The following PDZRN3 variants were observed in gnomAD, a reference collection of about 807,000 sequenced individuals.
PDZRN3 encodes E3 ubiquitin-protein ligase PDZRN3.
PDZRN3 carries 38 observed loss-of-function variants against 85.7 expected under a neutral mutation model. The observed-to-expected ratio is 0.44, with a 90% CI of 0.34 to 0.58. The LOEUF (loss-of-function observed/expected upper bound fraction) is 0.58. Ranked by LOEUF, PDZRN3 falls within the 20% of genes least tolerant of loss-of-function variation. PDZRN3 has a pLI of 0.01. For synonymous variants in PDZRN3, 759 were observed against 638.0 expected (o/e 1.19, Z -2.86); for missense variants, 1,629 against 1,506.4 (o/e 1.08, Z -1.35).
intron 3 of PDZRN3, among the ~76,000 whole-genome samples, chr3:73,451,358 T>C (rs1275143385): frequency 1.3e-5 from 2 of 152,168 alleles, no homozygotes; most frequent in African/African-American, 4.8e-5. Context: ...TGTTAGAGGA[T>C]GAGGAGGAAA....
intron 4 of PDZRN3, among the ~76,000 whole-genome samples, chr3:73,403,198 G>C (rs566916202): frequency 6.6e-6 from 1 of 152,062 alleles, no homozygotes; most frequent in Non-Finnish European, 1.5e-5. Flanking sequence ...CACCTGCCTC[G>C]GCCTCCCGAA....
intron 3 of PDZRN3, among the ~76,000 whole-genome samples, chr3:73,507,302 G>A (rs181928500): frequency 2.0e-5 from 3 of 152,290 alleles, no homozygotes; most frequent in African/African-American, 7.2e-5. Context: ...CCGAGTAGCT[G>A]GGATTACAGG....
intron 3 of PDZRN3, among the ~76,000 whole-genome samples, chr3:73,528,418 G>A (rs1462530410): frequency 6.6e-6 from 1 of 152,096 alleles, no homozygotes; most frequent in African/African-American, 2.4e-5. Context: ...CAATATACAG[G>A]GGAGCACTGT....
At chr3:73,469,568 G>A (rs555554398) in intron 3 of PDZRN3, among the ~76,000 whole-genome samples, 1 of 152,258 alleles carries the variant, frequency 6.6e-6, no homozygotes, top group East Asian at 1.9e-4. Flanking sequence ...TCATGTAGGG[G>A]TCAGCCCAAA....
At chr3:73,395,078 T>G (rs1463298950) in intron 5 of PDZRN3, among the ~76,000 whole-genome samples, 1 of 152,206 alleles carries the variant, frequency 6.6e-6, no homozygotes, top group African/African-American at 2.4e-5. Context: ...GAAAAACCAG[T>G]TTGGCTCCAT....
intron 5 of PDZRN3, among the ~76,000 whole-genome samples, chr3:73,395,082 G>C (rs1275802433): frequency 6.6e-6 from 1 of 152,204 alleles, no homozygotes; most frequent in Non-Finnish European, 1.5e-5. Context: ...AACCAGTTTG[G>C]CTCCATCTGT....
At chr3:73,458,079 G>A (rs1410229731) in intron 3 of PDZRN3, among the ~76,000 whole-genome samples, 2 of 152,142 alleles carry the variant, frequency 1.3e-5, no homozygotes, top group Non-Finnish European at 2.9e-5. Context: ...TGTTACCAGT[G>A]GGGAAAAATG....
rs201995522 is a variant in PDZRN3 at position 73,443,506 on chromosome 3, G to GGGA, written c.919-39112_919-39111insTCC. Among the ~76,000 whole-genome samples, 319 of 147,018 alleles carry GGGA rather than the reference G, an allele frequency of 2.2e-3. 4 individuals carry two copies. Among genetic ancestry groups the GGGA allele is most frequent in the African/African-American group, 7.8e-3 (300 of 38,364 alleles). On this transcript the variant is annotated intron_variant, in intron 3 of 9. Transcript: ENST00000263666. ...TTTTTTTTTTTTTTTTTTGGGGGGGGGACAGCGCTTGCTTTGTCGCCCAGG... is the reference window on the plus strand; with the variant it reads ...TTTTTTTTTTTTTTTTTTGGGGGGGGGGAGACAGCGCTTGCTTTGTCGCCCAGG...
intron 3 of PDZRN3, among the ~76,000 whole-genome samples, chr3:73,575,786 C>A (rs1702114376): frequency 6.6e-6 from 1 of 152,190 alleles, no homozygotes; most frequent in African/African-American, 2.4e-5. Flanking sequence ...ATTAGACAAA[C>A]AGGAGACCAA....
intron 3 of PDZRN3, among the ~76,000 whole-genome samples, chr3:73,563,074 T>C (rs1325686254): frequency 7.3e-6 from 1 of 137,104 alleles, no homozygotes; most frequent in African/African-American, 2.7e-5. Context: ...GCTGGAGTGC[T>C]GTGGCACGAT....
At chr3:73,473,964 G>C (rs1703399319) in intron 3 of PDZRN3, among the ~76,000 whole-genome samples, 1 of 152,186 alleles carries the variant, frequency 6.6e-6, no homozygotes, top group East Asian at 1.9e-4. Flanking sequence ...CTAGGTGTTG[G>C]AGTAATTTAT....
chr3:73,624,145 G>T lies in PDZRN3; in HGVS notation c.681C>A (p.Leu227=). ...QKKFTEYSAR[L]DSLSRCVAAP... is the part of the protein sequence containing the mutation. ...CGGCCACGCAGCGGCTGAGCGAGTC[G>T]AGGCGCGCGCTGTATTCGGTGAATT... Residue 227 remains leucine, a synonymous_variant, in exon 1 of 10, where the codon CTC becomes CTA. Transcript: ENST00000263666. 6.7e-7 allele frequency: 1 copy of T among 1,493,078 alleles called. No individual in the cohort carries two copies. The highest frequency in any genetic ancestry group is 1.5e-5 in the African/African-American group (1 of 68,858). The allele number at this position is 1,493,078 out of a possible 1,614,324, so 92.5% of individuals were successfully genotyped here.
At chr3:73,433,547 C>A (rs1702473836) in intron 3 of PDZRN3, 7 of 797,540 alleles carry the variant, frequency 8.8e-6, no homozygotes, top group Non-Finnish European at 1.2e-5. Context: ...TGCACAAAAA[C>A]ACACATAAAA....
At position 73,384,283 on chromosome 3, in the gene PDZRN3, G is replaced by A; in HGVS notation, c.2283C>T (p.Gly761=). 3 of 1,612,974 alleles carry A rather than the reference G, an allele frequency of 1.9e-6. No individual in the cohort carries two copies. The highest frequency in any genetic ancestry group is 1.3e-5 in the African/African-American group (1 of 75,062). The part of the protein sequence containing the change: ...DKDSSSAYNT[G]ESCRSTPLTL... ...TGAGCGGGGTGCTGCGGCAGCTCTC[G>A]CCTGTGTTGTAGGCGCTCGAGCTGT... The change falls in exon 10 of 10, where the codon GGC becomes GGT. Residue 761 remains glycine (G), a synonymous_variant. Coordinates refer to ENST00000263666, the MANE Select transcript of PDZRN3 (RefSeq NM_015009.3).
chr3:73,615,785 TTC>T (rs1296699796), intron 1 of PDZRN3, among the ~76,000 whole-genome samples: 2 of 152,218 alleles, frequency 1.3e-5, no homozygotes, highest in East Asian at 3.9e-4. Flanking sequence ...TTTCTGGTAT[TTC>T]TGTTACAGCA....
intron 3 of PDZRN3, among the ~76,000 whole-genome samples, chr3:73,453,404 C>CAAAAAAAA (rs1184407369): frequency 3.1e-5 from 3 of 97,540 alleles, no homozygotes; most frequent in African/African-American, 3.6e-5. Flanking sequence ...GACTTCGTCT[C>CAAAAAAAA]AAAAAAAAAA....
intron 3 of PDZRN3, among the ~76,000 whole-genome samples, chr3:73,525,561 G>A (rs947369443): frequency 2.6e-5 from 4 of 152,238 alleles, no homozygotes; most frequent in Non-Finnish European, 5.9e-5. Context: ...TAAATCCGGA[G>A]AGAGAGCTGC....
chr3:73,491,889 C>A (rs1257124287), intron 3 of PDZRN3, among the ~76,000 whole-genome samples: 6 of 152,052 alleles, frequency 3.9e-5, no homozygotes, highest in Non-Finnish European at 8.8e-5. Context: ...GCATGAGCGA[C>A]CATGAAGCCA....
At chr3:73,389,695 T>A (rs1204912028) in intron 7 of PDZRN3, 121 bp downstream of exon 7, 4 of 736,702 alleles carry the variant, frequency 5.4e-6, no homozygotes, top group Admixed American at 2.0e-5. Context: ...ACTACACATC[T>A]GCGTTTGTGA....
Sources: gnomAD v4.1 joint callset for allele counts (sites outside exome capture counted in the v4.1 genomes callset) on GRCh38, gnomAD v4.1.1 for gene constraint, MANE v1.5 for transcripts, NCBI Gene and HGNC (gene_info 2026-07-23, HGNC 2026-07-21) for gene names.